PTPRD: variants seen among roughly 807,000 people sequenced by gnomAD.
PTPRD encodes the protein protein tyrosine phosphatase receptor type D, also known as receptor-type tyrosine-protein phosphatase delta.
PTPRD carries 34 observed loss-of-function variants against 214.5 expected under a neutral mutation model. The ratio of observed to expected loss-of-function variants is 0.16; its 90% CI spans 0.12 to 0.21. The LOEUF is 0.21. Ranked by LOEUF, PTPRD falls within the 10% of genes least tolerant of loss-of-function variation. The pLI is 1.00. For synonymous variants in PTPRD, 1,128 were observed against 845.7 expected (o/e 1.33, Z -5.79); for missense variants, 2,545 against 2,398.7 (o/e 1.06, Z -1.27).
At chr9:9,064,753 A>G (rs1360315136) in intron 10 of PTPRD, among the ~76,000 whole-genome samples, 1 of 152,208 alleles carries the variant, frequency 6.6e-6, no homozygotes, top group East Asian at 1.9e-4. Flanking sequence ...GATTGATAAA[A>G]ATCATCACGG....
chr9:9,449,486 T>C (rs541069146), intron 8 of PTPRD, among the ~76,000 whole-genome samples: 11 of 152,078 alleles, frequency 7.2e-5, no homozygotes, highest in African/African-American at 2.2e-4. Flanking sequence ...CAGGTCATAA[T>C]GGTCTGGAAA....
intron 8 of PTPRD, among the ~76,000 whole-genome samples, chr9:9,470,973 T>C (rs1201532178): frequency 6.6e-6 from 1 of 152,166 alleles, no homozygotes; most frequent in East Asian, 1.9e-4. Flanking sequence ...TCACAAATGT[T>C]TTATAGACCA....
intron 2 of PTPRD, among the ~76,000 whole-genome samples, chr9:10,387,064 A>T (rs538418761): frequency 1.5e-4 from 23 of 151,916 alleles, no homozygotes; most frequent in Middle Eastern, 3.4e-3. Flanking sequence ...CTGGAAATAG[A>T]GAAAAAAATA....
intron 3 of PTPRD, among the ~76,000 whole-genome samples, chr9:10,302,135 T>A (rs977354968): frequency 3.9e-5 from 6 of 151,966 alleles, no homozygotes; most frequent in Non-Finnish European, 7.4e-5. Flanking sequence ...TTAAAGAATT[T>A]TCAACCCAGA....
chr9:9,616,993 C>G (rs747897581), intron 7 of PTPRD, among the ~76,000 whole-genome samples: 1 of 152,106 alleles, frequency 6.6e-6, no homozygotes, highest in Non-Finnish European at 1.5e-5. Context: ...TCTTAAAATT[C>G]CTTCCTGTAT....
chr9:10,171,711 G>C (rs1302918522), intron 3 of PTPRD, among the ~76,000 whole-genome samples: 1 of 152,200 alleles, frequency 6.6e-6, no homozygotes, highest in African/African-American at 2.4e-5. Flanking sequence ...TTTTAGTAGA[G>C]ACGGGGTTTC....
At chr9:9,790,553 T>C (rs2098960112) in intron 5 of PTPRD, among the ~76,000 whole-genome samples, 1 of 152,226 alleles carries the variant, frequency 6.6e-6, no homozygotes, top group South Asian at 2.1e-4. Flanking sequence ...AACAATCTCA[T>C]TTATAGATAT....
intron 3 of PTPRD, among the ~76,000 whole-genome samples, chr9:10,280,291 T>A (rs1334223862): frequency 6.6e-6 from 1 of 151,936 alleles, no homozygotes; most frequent in African/African-American, 2.4e-5. Flanking sequence ...TTTTTCTAGA[T>A]TCTCAGAAAC....
intron 5 of PTPRD, among the ~76,000 whole-genome samples, chr9:9,883,455 G>T (rs2069551758): frequency 6.6e-6 from 1 of 152,082 alleles, no homozygotes; most frequent in East Asian, 1.9e-4. Context: ...AGGAGAACAG[G>T]AAAGTATAAA....
At chr9:10,424,779 C>T (rs765068558) in intron 2 of PTPRD, among the ~76,000 whole-genome samples, 5 of 151,966 alleles carry the variant, frequency 3.3e-5, no homozygotes, top group East Asian at 1.9e-4. Context: ...AAAACTAAAA[C>T]GAAAACCCTG....
chr9:9,298,733 TCC>T (rs1954089982), intron 9 of PTPRD, among the ~76,000 whole-genome samples: 1 of 151,740 alleles, frequency 6.6e-6, no homozygotes. Flanking sequence ...TATATTTAAT[TCC>T]TCCTCTTCTC....
chr9:8,669,273 C>T (rs10815923), intron 12 of PTPRD, among the ~76,000 whole-genome samples: 80,360 of 151,822 alleles, frequency 0.53, 21,454 homozygotes, highest in East Asian at 0.62. Context: ...GGCATCTTAT[C>T]TGTTTTACTC....
At chr9:8,895,909 C>A (rs532596480) in intron 11 of PTPRD, among the ~76,000 whole-genome samples, 1 of 152,158 alleles carries the variant, frequency 6.6e-6, no homozygotes, top group Non-Finnish European at 1.5e-5. Context: ...TTGTTAATTC[C>A]GAGGTTCAGC....
chr9:9,454,443 A>G (rs1184394886), intron 8 of PTPRD, among the ~76,000 whole-genome samples: 1 of 151,750 alleles, frequency 6.6e-6, no homozygotes, highest in Admixed American at 6.6e-5. Flanking sequence ...CCCAGGCACT[A>G]CAGTAATATA....
At chr9:9,728,437 TTAAC>T (rs2098130101) in intron 7 of PTPRD, among the ~76,000 whole-genome samples, 2 of 152,186 alleles carry the variant, frequency 1.3e-5, no homozygotes, top group South Asian at 4.1e-4. Flanking sequence ...GAAAAGAAGT[TTAAC>T]TAATTAGCTG....
chr9:8,617,852 C>T (rs1043774416), intron 14 of PTPRD, among the ~76,000 whole-genome samples: 18 of 152,048 alleles, frequency 1.2e-4, no homozygotes, highest in Non-Finnish European at 1.8e-4. Flanking sequence ...ACATCTGATA[C>T]GGCAATTTCA....
intron 6 of PTPRD, among the ~76,000 whole-genome samples, chr9:9,762,834 C>G (rs932975358): frequency 1.3e-5 from 2 of 152,198 alleles, no homozygotes; most frequent in African/African-American, 4.8e-5. Context: ...TTGTCTTAAT[C>G]AGCTGGGTTG....
chr9:9,899,114 G>A (rs1054222309), intron 5 of PTPRD, among the ~76,000 whole-genome samples: 14 of 152,036 alleles, frequency 9.2e-5, no homozygotes, highest in African/African-American at 3.1e-4. Flanking sequence ...AATTAGAATT[G>A]TAAGTTTAAT....
intron 14 of PTPRD, among the ~76,000 whole-genome samples, chr9:8,531,059 G>A (rs1472905939): frequency 6.6e-6 from 1 of 151,980 alleles, no homozygotes; most frequent in African/African-American, 2.4e-5. Flanking sequence ...ATAATTAACT[G>A]CAATGAGCTG....
Sources: gnomAD v4.1 joint callset for allele counts (sites outside exome capture counted in the v4.1 genomes callset) on GRCh38, gnomAD v4.1.1 for gene constraint, MANE v1.5 for transcripts, NCBI Gene and HGNC (gene_info 2026-07-23, HGNC 2026-07-21) for gene names.